Variants in RELL1 observed in about 807,000 individuals in gnomAD.
The protein encoded by RELL1 is RELT like 1.
Under a neutral mutation model 23.0 loss-of-function variants are expected in RELL1, and 10 were observed. The observed-to-expected ratio is 0.43, with a 90% CI of 0.27 to 0.74. RELL1 has a LOEUF of 0.74. RELL1 is among the 30% of genes least tolerant of loss of function. The pLI is 0.19. For synonymous variants in RELL1, 146 were observed against 146.8 expected, an observed-to-expected ratio of 0.99 and a Z score of 0.04; for missense variants, 315 against 364.4, an observed-to-expected ratio of 0.86 and a Z score of 1.10.
intron 1 of RELL1, among the ~76,000 whole-genome samples, chr4:37,669,939 C>T (rs1041603113): frequency 4.0e-5 from 6 of 151,638 alleles, no homozygotes; most frequent in Admixed American, 3.9e-4. Flanking sequence ...AAACCAGAGA[C>T]CTTTGTTCAC....
chr4:37,640,155 CT>C (rs1720477384), intron 3 of RELL1, among the ~76,000 whole-genome samples: 1 of 152,090 alleles, frequency 6.6e-6, no homozygotes, highest in African/African-American at 2.4e-5. Context: ...TGGGTTTTTG[CT>C]TTTTTCTTTG....
chr4:37,663,807 G>GGCTTTGTTAAACT (rs1228290267), intron 1 of RELL1, among the ~76,000 whole-genome samples: 1 of 152,030 alleles, frequency 6.6e-6, no homozygotes, highest in African/African-American at 2.4e-5. Context: ...GCATTTAGGT[G>GGCTTTGTTAAACT]GCTTTGTTAA....
chr4:37,597,997 G>A (rs1319633835), intron 6 of RELL1, among the ~76,000 whole-genome samples: 1 of 150,640 alleles, frequency 6.6e-6, no homozygotes, highest in African/African-American at 2.4e-5. Context: ...GTTGCAGTGA[G>A]CTGAGATCGT....
chr4:37,665,578 G>A (rs1463516895), intron 1 of RELL1, among the ~76,000 whole-genome samples: 2 of 152,190 alleles, frequency 1.3e-5, no homozygotes, highest in Non-Finnish European at 2.9e-5. Flanking sequence ...TAACAGAACT[G>A]TTCATGTATA....
intron 1 of RELL1, among the ~76,000 whole-genome samples, chr4:37,666,003 G>A (rs1721518240): frequency 6.6e-6 from 1 of 152,194 alleles, no homozygotes; most frequent in Admixed American, 6.5e-5. Flanking sequence ...CAGGCAGAGG[G>A]AGAAAGAGAG....
intron 1 of RELL1, among the ~76,000 whole-genome samples, chr4:37,663,925 C>T (rs776449273): frequency 2.0e-5 from 3 of 152,004 alleles, no homozygotes; most frequent in Non-Finnish European, 4.4e-5. Flanking sequence ...CTATGATATA[C>T]GATTAACACT....
intron 6 of RELL1, among the ~76,000 whole-genome samples, chr4:37,621,222 C>T (rs539610172): frequency 6.6e-5 from 10 of 152,016 alleles, no homozygotes; most frequent in Admixed American, 2.0e-4. Context: ...TTTCGGAGGC[C>T]GAGGCAGGCA....
At chr4:37,648,091 A>C (rs1337814103) in intron 2 of RELL1, among the ~76,000 whole-genome samples, 1 of 152,258 alleles carries the variant, frequency 6.6e-6, no homozygotes, top group Non-Finnish European at 1.5e-5. Flanking sequence ...CCTAGTTCAC[A>C]GAGAATGCAT....
intron 1 of RELL1, among the ~76,000 whole-genome samples, chr4:37,673,401 G>A (rs958263158): frequency 1.7e-4 from 26 of 151,212 alleles, no homozygotes; most frequent in African/African-American, 6.1e-4. Flanking sequence ...TATGGTTTTC[G>A]GGCTGGTCCT....
At chr4:37,618,399 T>TTTTA (rs554993822) in intron 6 of RELL1, among the ~76,000 whole-genome samples, 1 of 151,848 alleles carries the variant, frequency 6.6e-6, no homozygotes, top group African/African-American at 2.4e-5. Context: ...TTTTATTTTT[T>TTTTA]TTTATTTATT....
Position 37,634,978 on chromosome 4 carries a change from G to A in RELL1, c.589C>T (p.His197Tyr). The A allele has an allele frequency of 6.2e-7, 1 of 1,614,220 alleles. No homozygotes were observed. Among genetic ancestry groups the A allele is most frequent in the Non-Finnish European group, 8.5e-7 (1 of 1,180,040 alleles). Reference sequence around the variant, plus strand: ...GGCTTTATAAAGTGCCACCGCTTGTGCCTACACCGATGACACACATCCCTC... The same window carrying A: ...GGCTTTATAAAGTGCCACCGCTTGTACCTACACCGATGACACACATCCCTC... ...VERDVCHRCR[H>Y]KRWHFIKPTN... Residue 197 changes from histidine (H) to tyrosine (Y), a missense_variant, in exon 5 of 7, where the codon CAC becomes TAC. His to Tyr is a moderately conservative substitution (Grantham distance 83, BLOSUM62 2). Transcript: ENST00000454158.
At chr4:37,645,514 T>C (rs1263906647) in intron 3 of RELL1, among the ~76,000 whole-genome samples, 1 of 152,240 alleles carries the variant, frequency 6.6e-6, no homozygotes, top group African/African-American at 2.4e-5. Context: ...TCTGGTCTTT[T>C]TTGTTATTTT....
chr4:37,602,221 CAAAAAAAAAAAAAA>C (rs11410477), intron 6 of RELL1, among the ~76,000 whole-genome samples: 3,950 of 96,766 alleles, frequency 0.041, 242 homozygotes, highest in South Asian at 0.22. Flanking sequence ...TGTCTCAAAC[CAAAAAAAAAAAAAA>C]AAAAGCAACC....
chr4:37,627,856 CTG>C (rs1720002563), intron 6 of RELL1, among the ~76,000 whole-genome samples: 1 of 152,160 alleles, frequency 6.6e-6, no homozygotes, highest in African/African-American at 2.4e-5. Context: ...ACTCTAAAGA[CTG>C]TATCAGATTG....
chr4:37,604,548 T>C (rs1719101896), intron 6 of RELL1, among the ~76,000 whole-genome samples: 1 of 150,374 alleles, frequency 6.7e-6, no homozygotes, highest in Non-Finnish European at 1.5e-5. Flanking sequence ...CAGAATCCTA[T>C]GAGGTACCAC....
chr4:37,676,365 T>C (rs1360715446), intron 1 of RELL1, among the ~76,000 whole-genome samples: 2 of 152,202 alleles, frequency 1.3e-5, no homozygotes, highest in Non-Finnish European at 2.9e-5. Context: ...CACGAAACAA[T>C]TGGTTTTGAA....
At position 37,593,709 on chromosome 4, in the gene RELL1, G is replaced by A. The variant is rs188719482; in HGVS notation, c.*4-2492C>T. On this transcript the variant is annotated intron_variant, in intron 6 of 6. Coordinates refer to the RELL1 transcript ENST00000314117. ...GGAAATGGACAATGAGTTTCGAGGCGGTCAGTTTACAGTCTCTGCCACAGG... is the reference window on the plus strand; with the variant it reads ...GGAAATGGACAATGAGTTTCGAGGCAGTCAGTTTACAGTCTCTGCCACAGG... 6.1e-4 allele frequency among the ~76,000 whole-genome samples: 93 copies of A among 152,250 alleles called. No individual in the cohort carries two copies. In the South Asian group the frequency reaches 0.018, roughly 30 times the overall value.
At chr4:37,675,222 A>C (rs898077156) in intron 1 of RELL1, among the ~76,000 whole-genome samples, 31 of 152,274 alleles carry the variant, frequency 2.0e-4, no homozygotes, top group African/African-American at 7.0e-4. Flanking sequence ...AGATGAACCT[A>C]TAGTGAAAAA....
At chr4:37,603,420 C>A (rs191883904) in intron 6 of RELL1, among the ~76,000 whole-genome samples, 3 of 152,290 alleles carry the variant, frequency 2.0e-5, no homozygotes, top group Non-Finnish European at 2.9e-5. Flanking sequence ...TGGGTAGAAC[C>A]AACATGCCCC....
Sources: gnomAD v4.1 joint callset for allele counts (sites outside exome capture counted in the v4.1 genomes callset) on GRCh38, gnomAD v4.1.1 for gene constraint, MANE v1.5 for transcripts, NCBI Gene and HGNC (gene_info 2026-07-23, HGNC 2026-07-21) for gene names.